The following GRID2 variants were observed in gnomAD, a reference collection of about 807,000 sequenced individuals.
The protein encoded by GRID2 is glutamate receptor ionotropic, delta-2.
In GRID2, 33 loss-of-function variants were observed where a neutral mutation model predicts 114.8. The ratio of observed to expected loss-of-function variants is 0.29; its 90% CI spans 0.22 to 0.38. GRID2 has a LOEUF of 0.38. GRID2 is among the 10% of genes least tolerant of loss of function. The pLI is 1.00. For missense variants in GRID2, 1,184 were observed against 1,257.7 expected, an observed-to-expected ratio of 0.94 and a Z score of 0.89; for synonymous variants, 505 against 449.9, an observed-to-expected ratio of 1.12 and a Z score of -1.55.
chr4:92,459,225 C>T (rs555867139), intron 1 of GRID2, among the ~76,000 whole-genome samples: 14 of 152,042 alleles, frequency 9.2e-5, no homozygotes, highest in African/African-American at 2.2e-4. Context: ...AAAATGGAAA[C>T]GTGTTTTAAA....
chr4:93,241,080 C>T (rs1747455714), intron 8 of GRID2, among the ~76,000 whole-genome samples: 1 of 151,486 alleles, frequency 6.6e-6, no homozygotes, highest in African/African-American at 2.4e-5. Flanking sequence ...AATAATTTTG[C>T]TTGTTTGTCT....
intron 1 of GRID2, among the ~76,000 whole-genome samples, chr4:92,499,329 A>G (rs1723556761): frequency 6.6e-6 from 1 of 152,116 alleles, no homozygotes; most frequent in Admixed American, 6.6e-5. Context: ...GATCTTTGGC[A>G]AGATTTCTTT....
intron 14 of GRID2, among the ~76,000 whole-genome samples, chr4:93,743,558 C>G (rs1222497899): frequency 6.6e-6 from 1 of 152,154 alleles, no homozygotes; most frequent in African/African-American, 2.4e-5. Flanking sequence ...GGTGCTTCCT[C>G]TCATGGTGGA....
At chr4:92,531,734 C>T (rs1220094745) in intron 1 of GRID2, among the ~76,000 whole-genome samples, 1 of 151,898 alleles carries the variant, frequency 6.6e-6, no homozygotes, top group Non-Finnish European at 1.5e-5. Flanking sequence ...GAGGGTTTTT[C>T]CTGTTATTAA....
At chr4:93,415,871 G>T (rs1376498896) in intron 9 of GRID2, among the ~76,000 whole-genome samples, 1 of 151,894 alleles carries the variant, frequency 6.6e-6, no homozygotes, top group Non-Finnish European at 1.5e-5. Context: ...AGATAATATA[G>T]AAGATGTAAG....
chr4:93,117,388 G>T (rs1169287719), intron 4 of GRID2, among the ~76,000 whole-genome samples: 5 of 151,886 alleles, frequency 3.3e-5, no homozygotes, highest in Admixed American at 1.3e-4. Flanking sequence ...GCATGTGACA[G>T]CATGTGAGAA....
intron 14 of GRID2, among the ~76,000 whole-genome samples, chr4:93,730,967 C>T (rs1730432831): frequency 6.6e-6 from 1 of 152,156 alleles, no homozygotes; most frequent in South Asian, 2.1e-4. Flanking sequence ...CACACCAAGC[C>T]CGGCGTGGGG....
rs149941688 is a variant in GRID2 at position 93,037,071 on chromosome 4, A to G, written c.245-47924A>G. On this transcript the variant is annotated intron_variant, in intron 2 of 15. Coordinates refer to ENST00000282020, the MANE Select transcript of GRID2 (RefSeq NM_001510.4). ...TAATTTTTCAGCACAGTTGATAAAG[A>G]TAATATGGATAGACACTCAAATTGT... Among the ~76,000 whole-genome samples, 548 of 152,296 alleles carry G rather than the reference A, an allele frequency of 3.6e-3. 4 individuals are homozygous for G. The highest frequency in any genetic ancestry group is 0.012 in the African/African-American group (513 of 41,566).
chr4:92,702,708 A>G (rs1734742244), intron 2 of GRID2: 2 of 151,958 alleles, frequency 1.3e-5, no homozygotes, highest in East Asian at 1.9e-4. Flanking sequence ...ATATTATTGT[A>G]TAATGGTATA....
At chr4:92,399,657 CTCTCTCTCTATA>C (rs1360186063) in intron 1 of GRID2, among the ~76,000 whole-genome samples, 11 of 139,348 alleles carry the variant, frequency 7.9e-5, no homozygotes, top group African/African-American at 3.2e-4. Flanking sequence ...CTCTCTCTCT[CTCTCTCTCTATA>C]TATATATATA....
At chr4:93,408,289 G>A (rs1459179626) in intron 9 of GRID2, among the ~76,000 whole-genome samples, 10 of 152,024 alleles carry the variant, frequency 6.6e-5, no homozygotes, top group Admixed American at 3.3e-4. Context: ...GATGCATTTC[G>A]ATACATGTAA....
In GRID2 at chr4:92,578,182, T is replaced by C. The variant is rs141693693; in HGVS notation, c.89-11949T>C. Among the ~76,000 whole-genome samples the C allele has an allele frequency of 3.1e-3, 468 of 149,950 alleles. 19 individuals carry two copies. The East Asian group carries it at 0.069, about 22-fold the overall frequency. The stretch of plus-strand genomic sequence containing the variant: ...GTGCACAACGTGCAGGTTAGTTACA[T>C]ATGTATACATGTGCCATGCTGGTGT... On this transcript the variant is annotated intron_variant, in intron 1 of 15. Coordinates refer to ENST00000282020, the MANE Select transcript of GRID2 (RefSeq NM_001510.4).
At chr4:92,665,712 GTTTT>G (rs148396155) in intron 2 of GRID2, among the ~76,000 whole-genome samples, 1 of 146,544 alleles carries the variant, frequency 6.8e-6, no homozygotes, top group Non-Finnish European at 1.5e-5. Context: ...TGGTTGACAT[GTTTT>G]TTTTTTCTAG....
At chr4:92,427,776 G>C in intron 1 of GRID2, among the ~76,000 whole-genome samples, 1 of 125,122 alleles carries the variant, frequency 8.0e-6, no homozygotes, top group South Asian at 2.6e-4. Flanking sequence ...AAGTTTTATT[G>C]TAAATAAGTT....
At chr4:92,522,661 A>C (rs2149141303) in intron 1 of GRID2, among the ~76,000 whole-genome samples, 1 of 152,100 alleles carries the variant, frequency 6.6e-6, no homozygotes, top group South Asian at 2.1e-4. Context: ...TAGAGCCTGA[A>C]GGATTTTCTC....
chr4:92,847,493 C>A (rs192090635), intron 2 of GRID2, among the ~76,000 whole-genome samples: 1 of 151,918 alleles, frequency 6.6e-6, no homozygotes, highest in Non-Finnish European at 1.5e-5. Context: ...TTTTAAAATC[C>A]CCTTCTCCTA....
At chr4:93,318,984 G>T (rs1756959123) in intron 8 of GRID2, 1 of 152,054 alleles carries the variant, frequency 6.6e-6, no homozygotes, top group Middle Eastern at 3.2e-3. Flanking sequence ...TGTTTGTTTT[G>T]TTTTGGATTT....
In GRID2 at chr4:92,973,723, A is replaced by T. The variant is rs548868332; in HGVS notation, c.245-111272A>T. On this transcript the variant is annotated intron_variant, in intron 2 of 15. Coordinates refer to ENST00000282020, the MANE Select transcript of GRID2 (RefSeq NM_001510.4). ...GATAATTAGTTACTTCTTTATATTT[A>T]GCAAATATTAAATGATACTTATTAG... Among the ~76,000 whole-genome samples, 10 of 152,326 alleles carry T rather than the reference A, an allele frequency of 6.6e-5. No individual in the cohort carries two copies. In the South Asian group the frequency reaches 2.1e-3, roughly 32 times the overall value.
rs550165966 is a variant in GRID2, at chr4:93,455,765, G to A, written c.1649G>A (p.Arg550Gln). The A allele has an allele frequency of 9.9e-6, 16 of 1,612,682 alleles. No individual in the cohort carries two copies. Among genetic ancestry groups the A allele is most frequent in the African/African-American group, 1.3e-5 (1 of 74,814 alleles). Reference protein sequence around the residue: ...YMDYSVGVLLRRAEKTVDMFA... With the variant: ...YMDYSVGVLLQRAEKTVDMFA... The stretch of plus-strand genomic sequence containing the variant: ...GACTACTCAGTGGGGGTACTACTTC[G>A]AAGGGCTGAAAAGACAGTGGATATG... Residue 550 changes from arginine (R) to glutamine (Q), a missense_variant, in exon 11 of 16, where the codon CGA becomes CAA. Transcript: ENST00000282020.
Sources: allele counts gnomAD v4.1 joint callset (sites outside exome capture counted in the v4.1 genomes callset), GRCh38; gene constraint gnomAD v4.1.1; transcripts MANE v1.5; gene names NCBI Gene and HGNC (gene_info 2026-07-23, HGNC 2026-07-21).